CACNA1E: variants seen among roughly 807,000 people sequenced by gnomAD.
CACNA1E encodes the protein voltage-dependent R-type calcium channel subunit alpha-1E.
A neutral mutation model predicts 259.2 loss-of-function variants in CACNA1E; 40 were observed. The observed-to-expected ratio is 0.15, with a 90% CI of 0.12 to 0.20. The LOEUF (loss-of-function observed/expected upper bound fraction) is 0.20, where lower values mean the gene tolerates loss of function less well. CACNA1E is among the 10% of genes least tolerant of loss of function. The probability of loss-of-function intolerance (pLI) is 1.00; values close to 1 mark genes in which losing one functional copy is unlikely to be tolerated. For synonymous variants in CACNA1E, 1,104 were observed against 1,138.5 expected (o/e 0.97, Z 0.61); for missense variants, 1,874 against 3,040.1 (o/e 0.62, Z 9.02).
intron 1 of CACNA1E, among the ~76,000 whole-genome samples, chr1:181,338,060 A>G (rs550564970): frequency 2.6e-5 from 4 of 152,258 alleles, no homozygotes; most frequent in East Asian, 1.9e-4. Flanking sequence ...ACTAACAGGT[A>G]TAAGGTTATA....
At position 181,533,508 on chromosome 1, in the gene CACNA1E, T is replaced by C. The variant is rs1667937000; in HGVS notation, c.512+21998T>C. On this transcript the variant is annotated intron_variant, in intron 3 of 47. Coordinates refer to ENST00000367573, the MANE Select transcript of CACNA1E (RefSeq NM_001205293.3). ...CCATTGGCAATGATTAATGACTATA[T>C]TTTTATAAAACTTTTTGATAACTGA... 4.0e-5 allele frequency among the ~76,000 whole-genome samples: 6 copies of C among 151,698 alleles called. 1 individual carries two copies. In the South Asian group the frequency reaches 1.3e-3, roughly 32 times the overall value.
At chr1:181,513,575 A>G (rs575756275) in intron 3 of CACNA1E, among the ~76,000 whole-genome samples, 74 of 152,320 alleles carry the variant, frequency 4.9e-4, no homozygotes, top group African/African-American at 1.8e-3. Flanking sequence ...GGAGGAGTAT[A>G]CGGCTGTTCT....
intron 2 of CACNA1E, among the ~76,000 whole-genome samples, chr1:181,430,763 T>G (rs1485976030): frequency 6.6e-6 from 1 of 152,242 alleles, no homozygotes; most frequent in Non-Finnish European, 1.5e-5. Context: ...TCTGCCCAAC[T>G]AGTTTTTCCT....
At chr1:181,593,827 A>T (rs1444901607) in intron 6 of CACNA1E, among the ~76,000 whole-genome samples, 1 of 152,176 alleles carries the variant, frequency 6.6e-6, no homozygotes, top group Non-Finnish European at 1.5e-5. Flanking sequence ...GTGAGCTACC[A>T]TGCCTGGCCA....
intron 3 of CACNA1E, among the ~76,000 whole-genome samples, chr1:181,574,850 C>A (rs1012448138): frequency 6.6e-6 from 1 of 152,050 alleles, no homozygotes; most frequent in Admixed American, 6.6e-5. Flanking sequence ...CATGGTGAAA[C>A]CCTGTCTCTA....
chr1:181,722,249 C>T (rs1471361053), intron 16 of CACNA1E, among the ~76,000 whole-genome samples: 6 of 152,102 alleles, frequency 3.9e-5, no homozygotes, highest in Non-Finnish European at 5.9e-5. Flanking sequence ...AGAACAGAGC[C>T]TGCCACATAG....
chr1:181,488,852 A>C lies in CACNA1E; in HGVS notation c.266+4842A>C, dbSNP rs369244307. On this transcript the variant is annotated intron_variant, in intron 1 of 47. Transcript: ENST00000367573. ...GACTCTGAAATTATTAGCTCCATCC[A>C]AAATTACTTATCTCTTTATAGCACT... Among the ~76,000 whole-genome samples the C allele has an allele frequency of 5.3e-5, 8 of 152,298 alleles. 1 individual carries two copies. Among genetic ancestry groups the C allele is most frequent in the Admixed American group, 4.6e-4 (7 of 15,296 alleles).
chr1:181,598,303 C>T (rs1653401558), intron 6 of CACNA1E, among the ~76,000 whole-genome samples: 1 of 152,136 alleles, frequency 6.6e-6, no homozygotes, highest in Non-Finnish European at 1.5e-5. Context: ...TCAGTGGATG[C>T]CTTGAGGAAG....
At chr1:181,365,098 C>T (rs1654171333) in intron 1 of CACNA1E, among the ~76,000 whole-genome samples, 1 of 152,188 alleles carries the variant, frequency 6.6e-6, no homozygotes, top group Admixed American at 6.5e-5. Context: ...GTTAACACTC[C>T]CAGTGAGTGT....
At chr1:181,557,864 A>G (rs6685144) in intron 3 of CACNA1E, among the ~76,000 whole-genome samples, 150,397 of 152,328 alleles carry the variant, frequency 0.99, 74,270 homozygotes, top group East Asian at 1. Flanking sequence ...CACCCTCTGG[A>G]CCTGCTGTGA....
intron 1 of CACNA1E, among the ~76,000 whole-genome samples, chr1:181,327,109 TTGTGTCTTTTATCTA>T (rs1650856303): frequency 6.6e-6 from 1 of 152,190 alleles, no homozygotes; most frequent in Non-Finnish European, 1.5e-5. Context: ...ATGGCGAGGA[TTGTGTCTTTTATCTA>T]TGTGTCTCCA....
At chr1:181,667,942 C>T (rs1243089025) in intron 7 of CACNA1E, among the ~76,000 whole-genome samples, 1 of 151,998 alleles carries the variant, frequency 6.6e-6, no homozygotes, top group Admixed American at 6.5e-5. Flanking sequence ...CAGTTTCCCC[C>T]AGTGGTAACA....
chr1:181,471,460 C>T (rs1014480881), intron 2 of CACNA1E, among the ~76,000 whole-genome samples: 2 of 152,114 alleles, frequency 1.3e-5, no homozygotes, highest in Admixed American at 1.3e-4. Context: ...TGCAGATCAA[C>T]GAGGCAACAC....
rs183378590 is a variant in CACNA1E at position 181,743,473 on chromosome 1, A to G, written c.3719+4220A>G. 6.6e-5 allele frequency among the ~76,000 whole-genome samples: 10 copies of G among 152,350 alleles called. No individual in the cohort carries two copies. In the East Asian group the frequency reaches 1.5e-3, roughly 23 times the overall value. On this transcript the variant is annotated intron_variant, in intron 25 of 47. Transcript: ENST00000367573. ...TTCTGGGGATCTGCACATGAGGCAC[A>G]TTCCCCTGCTTTGGGGGACCCTGCT...
chr1:181,496,975 G>C (rs1664811150), intron 1 of CACNA1E, among the ~76,000 whole-genome samples: 1 of 152,168 alleles, frequency 6.6e-6, no homozygotes, highest in African/African-American at 2.4e-5. Context: ...GGGTGAGTAG[G>C]TGGATGTGGT....
intron 35 of CACNA1E, among the ~76,000 whole-genome samples, chr1:181,769,922 T>C (rs186586931): frequency 7.2e-5 from 11 of 152,336 alleles, no homozygotes; most frequent in Admixed American, 7.2e-4. Flanking sequence ...ATTTTTTAAA[T>C]GCTACTATTT....
rs1408175400 is a variant in CACNA1E at position 181,794,992 on chromosome 1, G to C, written c.6156G>C (p.Arg2052=). 1 of 1,613,990 alleles carries C rather than the reference G, an allele frequency of 6.2e-7. No homozygotes were observed. The change falls in exon 46 of 48, where the codon CGG becomes CGC. Residue 2052 remains arginine (R), a synonymous_variant. Coordinates refer to ENST00000367573, the MANE Select transcript of CACNA1E (RefSeq NM_001205293.3). ...SSENTYKSRR[R]SYHSSLRLSA... is the part of the protein sequence containing the mutation. ...AAAATACCTACAAGTCCCGTCGCCG[G>C]AGTTACCACTCCTCCTTGCGGCTGT...
At chr1:181,519,485 A>G (rs1452667107) in intron 3 of CACNA1E, among the ~76,000 whole-genome samples, 2 of 152,216 alleles carry the variant, frequency 1.3e-5, no homozygotes, top group Non-Finnish European at 2.9e-5. Context: ...TTTAAGAAAG[A>G]ACGTATGAAG....
intron 6 of CACNA1E, among the ~76,000 whole-genome samples, chr1:181,607,850 A>G (rs1654379207): frequency 6.6e-6 from 1 of 152,186 alleles, no homozygotes. Flanking sequence ...GCATCCTGGC[A>G]GGAAATGGAA....
Sources: gnomAD v4.1 joint callset for allele counts (sites outside exome capture counted in the v4.1 genomes callset) on GRCh38, gnomAD v4.1.1 for gene constraint, MANE v1.5 for transcripts, NCBI Gene and HGNC (gene_info 2026-07-23, HGNC 2026-07-21) for gene names.